Variants in TMEM74 observed in about 807,000 individuals in gnomAD.
TMEM74 encodes the protein transmembrane protein 74.
A neutral mutation model predicts 18.1 loss-of-function variants in TMEM74; 13 were observed. The ratio of observed to expected loss-of-function variants is 0.72; its 90% CI spans 0.47 to 1.14. TMEM74 has a LOEUF of 1.14. Ranked by LOEUF, TMEM74 falls within the 50% of genes most tolerant of loss-of-function variation. The pLI, the probability that TMEM74 is intolerant of heterozygous loss-of-function variation, is 0.00. For synonymous variants in TMEM74, 159 were observed against 146.6 expected (o/e 1.08, Z -0.61); for missense variants, 372 against 375.9 (o/e 0.99, Z 0.09).
intron 1 of TMEM74, among the ~76,000 whole-genome samples, chr8:108,762,302 C>T (rs1232967394): frequency 6.6e-6 from 1 of 151,878 alleles, no homozygotes; most frequent in Admixed American, 6.6e-5. Flanking sequence ...TTCCTGTGAC[C>T]TAAAGAAAAT....
chr8:108,632,258 T>C (rs972313327), intron 2 of TMEM74, among the ~76,000 whole-genome samples: 1 of 151,860 alleles, frequency 6.6e-6, no homozygotes, highest in African/African-American at 2.4e-5. Flanking sequence ...GTAACTAGAG[T>C]GTATGATAGG....
chr8:108,627,985 G>A (rs1410896100), intron 2 of TMEM74, among the ~76,000 whole-genome samples: 7 of 152,044 alleles, frequency 4.6e-5, no homozygotes, highest in Non-Finnish European at 7.4e-5. Flanking sequence ...TTAAGACTGG[G>A]TGGTGAAGGT....
intron 1 of TMEM74, among the ~76,000 whole-genome samples, chr8:108,679,511 T>C (rs1473117853): frequency 6.6e-6 from 1 of 152,244 alleles, no homozygotes; most frequent in Non-Finnish European, 1.5e-5. Context: ...ATGATGAGCA[T>C]TTTTTCATGT....
chr8:108,706,034 TGGCTGTA>T (rs1302742354), intron 1 of TMEM74, among the ~76,000 whole-genome samples: 1 of 152,196 alleles, frequency 6.6e-6, no homozygotes, highest in Non-Finnish European at 1.5e-5. Flanking sequence ...AATTAACAGG[TGGCTGTA>T]GGCAGAGGAC....
chr8:108,626,589 G>A lies in TMEM74; in HGVS notation n.265-17763C>T, dbSNP rs1052385033. The stretch of plus-strand genomic sequence containing the variant: ...AGCTGAGGGTGTGATGGCTGTGGAG[G>A]TGGTCTGGGCCAGTGACCTGAGGAC... On this transcript the variant is annotated intron_variant and non_coding_transcript_variant, in intron 2 of 3. Coordinates refer to the TMEM74 transcript ENST00000518838. 2.6e-5 allele frequency: 4 copies of A among 152,084 alleles called. No homozygotes were observed. The East Asian group carries it at 7.7e-4, about 29-fold the overall frequency. 9.4% of individuals were successfully genotyped at this position (152,084 alleles called of 1,614,324 possible). A position where few individuals can be genotyped will look rare whatever the true frequency, so the allele number is the denominator to read the frequency against.
At chr8:108,746,919 A>G (rs1000691953) in intron 1 of TMEM74, among the ~76,000 whole-genome samples, 2 of 152,120 alleles carry the variant, frequency 1.3e-5, no homozygotes, top group Admixed American at 6.6e-5. Flanking sequence ...GCCTTGCCCT[A>G]TACCTCTCTT....
rs1813122948 is a variant in TMEM74, at chr8:108,682,285, CA to C, written n.120-26849del. 2.0e-5 allele frequency among the ~76,000 whole-genome samples: 3 copies of C among 152,176 alleles called. No homozygotes were observed. In the South Asian group the frequency reaches 6.2e-4, roughly 32 times the overall value. ...TTGCATATGCTATTCTCTTCACCCC[CA>C]CTATGCTGCCTTCACTTTTTACCTA... On this transcript the variant is annotated intron_variant and non_coding_transcript_variant, in intron 1 of 3. Transcript: ENST00000518838.
chr8:108,623,590 C>T (rs1404963731), intron 2 of TMEM74, among the ~76,000 whole-genome samples: 2 of 152,014 alleles, frequency 1.3e-5, no homozygotes, highest in East Asian at 1.9e-4. Flanking sequence ...CCAACACTAG[C>T]CTTAATATAT....
intron 1 of TMEM74, among the ~76,000 whole-genome samples, chr8:108,786,932 T>TTCTACC (rs1480925388): frequency 1.3e-5 from 2 of 152,192 alleles, no homozygotes; most frequent in East Asian, 3.9e-4. Context: ...TGTTCGCTTG[T>TTCTACC]TCTACCGGAG....
intron 1 of TMEM74, among the ~76,000 whole-genome samples, chr8:108,741,509 CT>C (rs1276984737): frequency 6.6e-6 from 1 of 152,096 alleles, no homozygotes; most frequent in African/African-American, 2.4e-5. Flanking sequence ...GGCATAATTG[CT>C]AATTGCTTCA....
chr8:108,743,357 C>T (rs771728289), intron 1 of TMEM74, among the ~76,000 whole-genome samples: 8 of 152,118 alleles, frequency 5.3e-5, no homozygotes, highest in Non-Finnish European at 1.5e-5. Flanking sequence ...AAAGCTGCTT[C>T]TTCTCCTTCT....
At chr8:108,706,445 C>T (rs1813396898) in intron 1 of TMEM74, among the ~76,000 whole-genome samples, 1 of 152,160 alleles carries the variant, frequency 6.6e-6, no homozygotes, top group African/African-American at 2.4e-5. Context: ...TGCATATCTA[C>T]ACAAATAGCT....
At chr8:108,639,802 C>T (rs185509605) in intron 2 of TMEM74, among the ~76,000 whole-genome samples, 97 of 152,116 alleles carry the variant, frequency 6.4e-4, no homozygotes, top group Admixed American at 1.1e-3. Context: ...TTTCCTCGAT[C>T]GGGAATAGGG....
At chr8:108,730,347 G>A (rs888639724) in intron 1 of TMEM74, among the ~76,000 whole-genome samples, 1 of 152,052 alleles carries the variant, frequency 6.6e-6, no homozygotes, top group African/African-American at 2.4e-5. Context: ...GCACTCCTTG[G>A]CAGGGCTGCA....
downstream of TMEM74, among the ~76,000 whole-genome samples, chr8:108,778,441 C>G (rs1366733094): frequency 6.6e-6 from 1 of 152,162 alleles, no homozygotes; most frequent in Non-Finnish European, 1.5e-5. Context: ...AATGTAACAG[C>G]ATCACTTAGC....
intron 1 of TMEM74, among the ~76,000 whole-genome samples, chr8:108,749,044 A>G (rs1813879427): frequency 6.6e-6 from 1 of 152,152 alleles, no homozygotes; most frequent in African/African-American, 2.4e-5. Flanking sequence ...TGGTTACTGT[A>G]ACCCTCTAGT....
At chr8:108,762,430 A>G (rs1260779364) in intron 1 of TMEM74, among the ~76,000 whole-genome samples, 1 of 152,024 alleles carries the variant, frequency 6.6e-6, no homozygotes, top group Non-Finnish European at 1.5e-5. Context: ...TCAGCTCCTC[A>G]TTTTGTGTAA....
intron 1 of TMEM74, among the ~76,000 whole-genome samples, chr8:108,707,037 G>A (rs1487128581): frequency 6.6e-6 from 1 of 151,838 alleles, no homozygotes; most frequent in East Asian, 1.9e-4. Context: ...CCTTTGCAGG[G>A]ACACGGATGA....
intron 1 of TMEM74, among the ~76,000 whole-genome samples, chr8:108,773,174 C>T (rs1305608083): frequency 6.6e-6 from 1 of 152,014 alleles, no homozygotes; most frequent in African/African-American, 2.4e-5. Flanking sequence ...GTGCTCAGCT[C>T]TGCACTCAGG....
Sources: allele counts gnomAD v4.1 joint callset (sites outside exome capture counted in the v4.1 genomes callset), GRCh38; gene constraint gnomAD v4.1.1; transcripts MANE v1.5; gene names NCBI Gene and HGNC (gene_info 2026-07-23, HGNC 2026-07-21).